Variants in GALNT2 observed in about 807,000 individuals in gnomAD.
GALNT2 encodes UDP-GalNAc:polypeptide N-acetylgalactosaminyltransferase 2.
Under a neutral mutation model 81.4 loss-of-function variants are expected in GALNT2, and 31 were observed. The observed-to-expected ratio is 0.38, with a 90% confidence interval of 0.29 to 0.51. The LOEUF (loss-of-function observed/expected upper bound fraction) is 0.51. GALNT2 is among the 20% of genes least tolerant of loss of function. GALNT2 has a pLI of 0.87. For synonymous variants in GALNT2, 303 were observed against 287.4 expected (o/e 1.05, Z -0.55); for missense variants, 629 against 765.7 (o/e 0.82, Z 2.11).
chr1:230,081,070 A>G (rs1159525748), intron 1 of GALNT2, among the ~76,000 whole-genome samples: 2 of 152,152 alleles, frequency 1.3e-5, no homozygotes, highest in Non-Finnish European at 2.9e-5. Context: ...GAACCAACCT[A>G]CTTTCCTCGA....
At chr1:230,149,161 G>A (rs1349392810) in intron 1 of GALNT2, among the ~76,000 whole-genome samples, 1 of 152,226 alleles carries the variant, frequency 6.6e-6, no homozygotes, top group South Asian at 2.1e-4. Flanking sequence ...GATTACAGGC[G>A]TGAGCCACTG....
In GALNT2 at chr1:230,281,280, C is replaced by G. The variant is rs553667459; in HGVS notation, c.*1822C>G. The G allele has an allele frequency of 6.6e-6, 1 of 152,510 alleles. No individual in the cohort carries two copies. The highest frequency in any genetic ancestry group is 2.4e-5 in the African/African-American group (1 of 41,538). The allele number at this position is 152,510 out of a possible 1,614,324, so 9.4% of individuals were successfully genotyped here. The stretch of plus-strand genomic sequence containing the variant: ...GGCTGCCCTATAGGTCTTCTCTTCC[C>G]GCCTCCCCTGCCATGCAACCAGATG... On this transcript the variant is annotated 3_prime_UTR_variant, in exon 16 of 16. Transcript: ENST00000366672.
intron 15 of GALNT2, among the ~76,000 whole-genome samples, chr1:230,276,736 C>T (rs954259690): frequency 1.3e-5 from 2 of 152,180 alleles, no homozygotes; most frequent in Non-Finnish European, 2.9e-5. Context: ...TCTAAATGTC[C>T]ATCTGTGTTG....
intron 2 of GALNT2, among the ~76,000 whole-genome samples, chr1:230,190,953 G>A (rs1025174008): frequency 1.3e-5 from 2 of 152,102 alleles, no homozygotes; most frequent in African/African-American, 4.8e-5. Flanking sequence ...AAGTGAAATT[G>A]CAGGGTCAAT....
At chr1:230,256,745 G>A (rs1031093516) in intron 11 of GALNT2, among the ~76,000 whole-genome samples, 16 of 152,178 alleles carry the variant, frequency 1.1e-4, no homozygotes, top group Non-Finnish European at 2.2e-4. Context: ...ATAGAACAGC[G>A]TACAAGCCAG....
At chr1:230,238,456 T>A (rs746885729) in intron 6 of GALNT2, among the ~76,000 whole-genome samples, 1 of 152,208 alleles carries the variant, frequency 6.6e-6, no homozygotes, top group Non-Finnish European at 1.5e-5. Flanking sequence ...ATGATGCCGA[T>A]GTACAGTGGA....
chr1:230,236,856 T>C, intron 6 of GALNT2, 131 bp downstream of exon 6: 1 of 758,068 alleles, frequency 1.3e-6, no homozygotes, highest in South Asian at 2.2e-5. Flanking sequence ...CCAGAGCCGC[T>C]TGGGAGACTT....
intron 1 of GALNT2, among the ~76,000 whole-genome samples, chr1:230,089,151 CTT>C (rs112182659): frequency 2.0e-4 from 28 of 140,994 alleles, no homozygotes; most frequent in Admixed American, 2.1e-4. Flanking sequence ...TTCTTTCTTT[CTT>C]TTTTTTTTTT....
chr1:230,127,859 C>T (rs1402540662), intron 1 of GALNT2, among the ~76,000 whole-genome samples: 1 of 152,134 alleles, frequency 6.6e-6, no homozygotes, highest in African/African-American at 2.4e-5. Context: ...GTATTGCTGA[C>T]GTGGCATGTA....
At chr1:230,268,058 G>A (rs1293703672) in intron 14 of GALNT2, among the ~76,000 whole-genome samples, 1 of 152,188 alleles carries the variant, frequency 6.6e-6, no homozygotes. Flanking sequence ...CTGGAAAGCA[G>A]TGAGCTTGGG....
At chr1:230,277,418 C>G (rs1209440329) in intron 15 of GALNT2, among the ~76,000 whole-genome samples, 1 of 152,192 alleles carries the variant, frequency 6.6e-6, no homozygotes, top group Non-Finnish European at 1.5e-5. Context: ...GAATCAGATT[C>G]CGTTCATTCC....
chr1:230,261,625 G>A (rs1665878929), intron 11 of GALNT2, among the ~76,000 whole-genome samples: 1 of 152,238 alleles, frequency 6.6e-6, no homozygotes, highest in Admixed American at 6.5e-5. Flanking sequence ...TTTAATGCAT[G>A]TCAGACATTC....
intron 14 of GALNT2, among the ~76,000 whole-genome samples, chr1:230,265,575 C>T (rs1666011507): frequency 6.6e-6 from 1 of 152,220 alleles, no homozygotes; most frequent in Non-Finnish European, 1.5e-5. Flanking sequence ...TCAGCTCTGT[C>T]ATCAGCTTCG....
chr1:230,102,561 C>A (rs759639607), intron 1 of GALNT2, among the ~76,000 whole-genome samples: 7 of 151,952 alleles, frequency 4.6e-5, no homozygotes, highest in African/African-American at 1.7e-4. Flanking sequence ...GGTTCCGTTT[C>A]GAGAGTCCTT....
intron 3 of GALNT2, among the ~76,000 whole-genome samples, chr1:230,203,824 A>G (rs963089838): frequency 6.6e-6 from 1 of 152,012 alleles, no homozygotes; most frequent in Admixed American, 6.6e-5. Context: ...TCTTGTCCAC[A>G]TCTTTCTTTC....
At chr1:230,236,843 C>G (rs1160599353) in intron 6 of GALNT2, 118 bp downstream of exon 6, 3 of 938,570 alleles carry the variant, frequency 3.2e-6, no homozygotes, top group Non-Finnish European at 4.7e-6. Flanking sequence ...CTGTCTCCCT[C>G]TACCAGAGCC....
At position 230,281,087 on chromosome 1, in the gene GALNT2, G is replaced by A. The variant is rs1666428765; in HGVS notation, c.*1629G>A. On this transcript the variant is annotated 3_prime_UTR_variant, in exon 16 of 16. Transcript: ENST00000366672. ...TAGGCACACCTGCAGGCCCCTCGGT[G>A]GGACAGCGGCGGCCTTGGAGTTAGG... is the stretch of plus-strand genomic sequence containing the variant. The A allele has an allele frequency of 6.6e-6, 1 of 152,334 alleles. No homozygotes were observed. Among genetic ancestry groups the A allele is most frequent in the South Asian group, 2.1e-4 (1 of 4,830 alleles). 9.4% of individuals were successfully genotyped at this position (152,334 alleles called of 1,614,324 possible).
At chr1:230,127,857 G>C (rs111946417) in intron 1 of GALNT2, among the ~76,000 whole-genome samples, 2 of 152,142 alleles carry the variant, frequency 1.3e-5, no homozygotes, top group African/African-American at 4.8e-5. Flanking sequence ...CGGTATTGCT[G>C]ACGTGGCATG....
chr1:230,091,265 A>C (rs1474034954), intron 1 of GALNT2, among the ~76,000 whole-genome samples: 1 of 151,162 alleles, frequency 6.6e-6, no homozygotes, highest in East Asian at 1.9e-4. Context: ...TAGTAGAGAC[A>C]GGGTTTCACC....
Sources: gnomAD v4.1 joint callset for allele counts (sites outside exome capture counted in the v4.1 genomes callset) on GRCh38, gnomAD v4.1.1 for gene constraint, MANE v1.5 for transcripts, NCBI Gene and HGNC (gene_info 2026-07-23, HGNC 2026-07-21) for gene names.